Variants in SYT14 observed in about 807,000 individuals in gnomAD.
The protein encoded by SYT14 is synaptotagmin-14.
In SYT14, 32 loss-of-function variants were observed where a neutral mutation model predicts 74.2. That is an observed-to-expected ratio of 0.43 (90% CI 0.33 to 0.58). The LOEUF is 0.58. Among genes scored for constraint, SYT14 ranks in the 20% least tolerant of loss-of-function variants. The pLI is 0.05. For missense variants in SYT14, 791 were observed against 981.8 expected (o/e 0.81, Z 2.60); for synonymous variants, 298 against 337.7 (o/e 0.88, Z 1.29).
At chr1:209,955,673 T>C (rs2078981485) in intron 2 of SYT14, among the ~76,000 whole-genome samples, 1 of 152,140 alleles carries the variant, frequency 6.6e-6, no homozygotes, top group Non-Finnish European at 1.5e-5. Flanking sequence ...TTCTATGGAT[T>C]CTCATTATAC....
At chr1:210,135,350 T>C (rs2082763148) in intron 7 of SYT14, among the ~76,000 whole-genome samples, 1 of 152,186 alleles carries the variant, frequency 6.6e-6, no homozygotes, top group Non-Finnish European at 1.5e-5. Context: ...GGTTCATTGA[T>C]CTTGTCCTGT....
At chr1:210,073,307 G>A (rs904551573) in intron 5 of SYT14, among the ~76,000 whole-genome samples, 6 of 151,852 alleles carry the variant, frequency 4.0e-5, no homozygotes, top group Admixed American at 3.3e-4. Flanking sequence ...AGAAAACAAA[G>A]CATTTTAGCT....
At chr1:209,948,200 G>A (rs1459670946) in intron 1 of SYT14, among the ~76,000 whole-genome samples, 1 of 152,106 alleles carries the variant, frequency 6.6e-6, no homozygotes, top group African/African-American at 2.4e-5. Flanking sequence ...ATTTCGATGG[G>A]GCTGCCATGT....
chr1:209,950,884 T>A (rs1458752927), intron 1 of SYT14, among the ~76,000 whole-genome samples: 1 of 152,186 alleles, frequency 6.6e-6, no homozygotes, highest in East Asian at 1.9e-4. Context: ...AATTATAAGG[T>A]CATACATATA....
chr1:210,057,534 G>A lies in SYT14; in HGVS notation c.1312+36280G>A, dbSNP rs11119400. ...AACTTGTTTCACTTCACTTTGGTAT[G>A]AGTTCCCCGTATCTCACATAGTGCT... is the stretch of plus-strand genomic sequence containing the variant. On this transcript the variant is annotated intron_variant, in intron 5 of 9. Transcript: ENST00000637265. Among the ~76,000 whole-genome samples, 88 of 152,262 alleles carry A rather than the reference G, an allele frequency of 5.8e-4. 1 individual carries two copies. In the East Asian group the frequency reaches 0.012, roughly 21 times the overall value.
chr1:210,043,932 C>A (rs141206791), intron 5 of SYT14, among the ~76,000 whole-genome samples: 3 of 152,154 alleles, frequency 2.0e-5, no homozygotes, highest in Non-Finnish European at 4.4e-5. Flanking sequence ...TAGGATAATA[C>A]CGAGAATTTC....
chr1:209,953,229 T>G, intron 2 of SYT14: 1 of 1,287,226 alleles, frequency 7.8e-7, no homozygotes, highest in African/African-American at 1.5e-5. Flanking sequence ...ACCTGACAAC[T>G]GGGTGGTTCA....
At chr1:210,121,038 G>T (rs181676720) in intron 7 of SYT14, among the ~76,000 whole-genome samples, 3 of 152,262 alleles carry the variant, frequency 2.0e-5, no homozygotes, top group South Asian at 4.1e-4. Flanking sequence ...GCAGTCTCTG[G>T]ATTCACATCA....
At chr1:209,971,945 C>A (rs2102756016) in intron 2 of SYT14, among the ~76,000 whole-genome samples, 1 of 152,186 alleles carries the variant, frequency 6.6e-6, no homozygotes, top group African/African-American at 2.4e-5. Context: ...TTCTGGAATA[C>A]ATTCAGTACG....
chr1:210,033,029 A>G (rs2080577256), intron 5 of SYT14, among the ~76,000 whole-genome samples: 1 of 151,844 alleles, frequency 6.6e-6, no homozygotes, highest in Non-Finnish European at 1.5e-5. Context: ...TAGAATAAGA[A>G]TTAGGGGAGA....
chr1:210,100,144 G>A, exon 7 of SYT14: 1 of 1,614,100 alleles, frequency 6.2e-7, no homozygotes, highest in Non-Finnish European at 8.5e-7. Context: ...AACAGTGACA[G>A]CTGTCACAGA....
At chr1:210,163,769 C>T (rs1558235220) in exon 10 of SYT14, 4 of 453,674 alleles carry the variant, frequency 8.8e-6, no homozygotes, top group Non-Finnish European at 1.8e-5. Context: ...CCACTTCACT[C>T]TACTGAATCT....
chr1:210,038,794 T>C (rs903419746), intron 5 of SYT14, among the ~76,000 whole-genome samples: 22 of 152,238 alleles, frequency 1.4e-4, no homozygotes, highest in African/African-American at 5.1e-4. Flanking sequence ...TTTTAGTCTG[T>C]TGGGATTTCC....
chr1:209,951,555 G>T (rs1315919356), intron 1 of SYT14, among the ~76,000 whole-genome samples: 1 of 151,984 alleles, frequency 6.6e-6, no homozygotes, highest in Non-Finnish European at 1.5e-5. Flanking sequence ...ATCTTTTAAA[G>T]TTAAACATGC....
At chr1:210,106,830 C>T (rs938769766) in intron 7 of SYT14, among the ~76,000 whole-genome samples, 3 of 152,116 alleles carry the variant, frequency 2.0e-5, no homozygotes, top group East Asian at 3.9e-4. Context: ...CAAAATCCTG[C>T]CTTCCCAACA....
chr1:210,031,225 G>A (rs898389582), intron 5 of SYT14, among the ~76,000 whole-genome samples: 11 of 151,470 alleles, frequency 7.3e-5, no homozygotes, highest in Admixed American at 6.6e-5. Context: ...CATATGTGAT[G>A]GATAGATTAC....
chr1:209,994,583 T>C (rs2079753657), intron 2 of SYT14, among the ~76,000 whole-genome samples: 1 of 152,118 alleles, frequency 6.6e-6, no homozygotes, highest in Non-Finnish European at 1.5e-5. Flanking sequence ...ATATAATCCA[T>C]GAAAATTTCC....
intron 5 of SYT14, among the ~76,000 whole-genome samples, chr1:210,075,341 TG>T (rs1415395100): frequency 5.2e-5 from 6 of 115,030 alleles, no homozygotes; most frequent in African/African-American, 1.9e-4. Flanking sequence ...CTCGAGGGTT[TG>T]TTTTTTTTTT....
chr1:209,979,344 C>T (rs1038983571), intron 2 of SYT14, among the ~76,000 whole-genome samples: 6 of 152,166 alleles, frequency 3.9e-5, no homozygotes, highest in Non-Finnish European at 8.8e-5. Flanking sequence ...GCCATCTTGG[C>T]TCCACCTGAT....
Sources: allele counts gnomAD v4.1 joint callset (sites outside exome capture counted in the v4.1 genomes callset), GRCh38; gene constraint gnomAD v4.1.1; transcripts MANE v1.5; gene names NCBI Gene and HGNC (gene_info 2026-07-23, HGNC 2026-07-21).